A2ML1: variants seen among roughly 807,000 people sequenced by gnomAD.
A2ML1 encodes alpha-2-macroglobulin-like protein 1.
A neutral mutation model predicts 181.9 loss-of-function variants in A2ML1; 161 were observed. The observed-to-expected ratio is 0.89, with a 90% CI of 0.78 to 1.01. The LOEUF (loss-of-function observed/expected upper bound fraction) is 1.01, where lower values mean the gene tolerates loss of function less well. Ranked by LOEUF, A2ML1 falls within the 50% of genes least tolerant of loss-of-function variation. The pLI, the probability that A2ML1 is intolerant of heterozygous loss-of-function variation, is 0.00. For synonymous variants in A2ML1, 663 were observed against 666.8 expected (o/e 0.99, Z 0.09); for missense variants, 1,670 against 1,768.1 (o/e 0.94, Z 1.00).
At chr12:8,878,252 G>A (rs1048921455), downstream of A2ML1, among the ~76,000 whole-genome samples, 22 of 152,130 alleles carry the variant, frequency 1.4e-4, no homozygotes, top group African/African-American at 4.6e-4. The surrounding 1 kb of genome is among the most constrained non-coding windows in gnomAD (Gnocchi z 4.4). Flanking sequence ...GCAATGAGCC[G>A]AGATCATGCC....
intron 3 of A2ML1, among the ~76,000 whole-genome samples, chr12:8,825,085 T>A (rs1210615290): frequency 1.3e-5 from 2 of 152,236 alleles, no homozygotes; most frequent in African/African-American, 4.8e-5. Flanking sequence ...GATATACTGA[T>A]TTCCTTTCTT....
At chr12:8,864,227 T>C (rs1410389126) in intron 29 of A2ML1, among the ~76,000 whole-genome samples, 33 of 150,030 alleles carry the variant, frequency 2.2e-4, no homozygotes, top group South Asian at 4.3e-4. Context: ...ATGTGAAACA[T>C]TGGGGCCGGG....
intron 20 of A2ML1, among the ~76,000 whole-genome samples, chr12:8,853,413 A>C (rs753585618): frequency 6.6e-6 from 1 of 152,316 alleles, no homozygotes; most frequent in East Asian, 1.9e-4. Flanking sequence ...AATTATTGTA[A>C]AACTTAAGTG....
chr12:8,832,759 G>A (rs1269890603), intron 4 of A2ML1, among the ~76,000 whole-genome samples: 1 of 152,042 alleles, frequency 6.6e-6, no homozygotes. Context: ...GAGAGGAGTG[G>A]AACTGCTTAG....
chr12:8,838,283 A>C, intron 8 of A2ML1, 53 bp from the exon 9 acceptor site: 84 of 1,227,254 alleles, frequency 6.8e-5, no homozygotes, highest in Non-Finnish European at 9.0e-5. Flanking sequence ...AAATGGATGT[A>C]GAGATTAGAT....
rs369031167 is a variant in A2ML1 at position 8,846,114 on chromosome 12, T to C, written c.1575T>C (p.Thr525=). ...KASFSLSLTF[T]SRLAPDPSLV... The stretch of plus-strand genomic sequence containing the variant: ...CCTTCTCTCTCTCACTGACCTTCAC[T>C]TCGAGACTGGCCCCTGATCCTTCCC... Residue 525 remains threonine (T), a synonymous_variant, in exon 14 of 36, where the codon ACT becomes ACC. Coordinates refer to ENST00000299698, the MANE Select transcript of A2ML1 (RefSeq NM_144670.6). 4 of 1,614,056 alleles carry C rather than the reference T, an allele frequency of 2.5e-6. No homozygotes were observed. The highest frequency in any genetic ancestry group is 1.3e-5 in the African/African-American group (1 of 74,930).
intron 17 of A2ML1, 114 bp from the exon 18 acceptor site, chr12:8,850,046 C>T: frequency 1.2e-6 from 1 of 826,776 alleles, no homozygotes; most frequent in South Asian, 1.7e-5. Context: ...TTGCCTCTGA[C>T]TGGATGTTCT....
intron 28 of A2ML1, among the ~76,000 whole-genome samples, chr12:8,863,260 C>A (rs897121467): frequency 6.6e-6 from 1 of 152,078 alleles, no homozygotes; most frequent in African/African-American, 2.4e-5. Flanking sequence ...GCACGCGCCA[C>A]CACGCCTGGC....
In A2ML1 at chr12:8,845,528, G is replaced by A. The variant is rs776859975; in HGVS notation, c.1537+26G>A. On this transcript the variant is annotated intron_variant, in intron 13 of 35. Transcript: ENST00000299698. Reference sequence around the variant, plus strand: ...GTGAGTGTACATGCTTTTCCCGGAAGCAAACAGGATATTTTTAAATTCCAG... The same window carrying A: ...GTGAGTGTACATGCTTTTCCCGGAAACAAACAGGATATTTTTAAATTCCAG... 8.7e-6 allele frequency: 14 copies of A among 1,613,180 alleles called. No individual in the cohort carries two copies. The South Asian group carries it at 1.5e-4, about 18-fold the overall frequency.
intron 33 of A2ML1, 124 bp downstream of exon 33, chr12:8,869,327 A>G: frequency 1.1e-6 from 1 of 926,462 alleles, no homozygotes; most frequent in Non-Finnish European, 1.7e-6. Context: ...AGTCCACACC[A>G]TGCCATGAGT....
At chr12:8,841,327 C>A (rs777724322) in intron 10 of A2ML1, 42 bp from the exon 11 acceptor site, 2 of 1,591,004 alleles carry the variant, frequency 1.3e-6, no homozygotes, top group Non-Finnish European at 1.7e-6. Context: ...CTCAAGCTTA[C>A]TCCAAACCTA....
chr12:8,841,021 A>AGGACGGACGGAC (rs754296235), intron 10 of A2ML1, among the ~76,000 whole-genome samples: 35 of 122,960 alleles, frequency 2.8e-4, no homozygotes, highest in Middle Eastern at 3.8e-3. Context: ...GACGGAAGGA[A>AGGACGGACGGAC]GGAAGGAAGG....
At chr12:8,880,453 G>C (rs1213157391), downstream of A2ML1, 1 of 152,164 alleles carries the variant, frequency 6.6e-6, no homozygotes, top group Non-Finnish European at 1.5e-5. Flanking sequence ...GTGGGGCGGG[G>C]TGGGGGCGTG....
At chr12:8,845,640 G>A (rs989220160) in intron 13 of A2ML1, 138 bp downstream of exon 13, 7 of 755,714 alleles carry the variant, frequency 9.3e-6, no homozygotes, top group Non-Finnish European at 1.5e-5. Context: ...GATGTCGGGA[G>A]ATCGAGACCA....
intron 5 of A2ML1, chr12:8,835,049 G>A (rs1943228276): frequency 6.6e-6 from 2 of 302,088 alleles, no homozygotes; most frequent in Non-Finnish European, 1.2e-5. Context: ...ATAAACACCT[G>A]TGAGAAGTAT....
At chr12:8,849,058 C>A in intron 16 of A2ML1, 144 bp downstream of exon 16, 2 of 877,296 alleles carry the variant, frequency 2.3e-6, no homozygotes, top group Non-Finnish European at 3.4e-6. Flanking sequence ...CGTGTAAGGT[C>A]GCCTCTGTTG....
Position 8,845,475 on chromosome 12 carries a change from C to A in A2ML1, c.1510C>A (p.Gln504Lys). ...GAAAGGAAGTTTGGTGATGGAGGGG[C>A]AGAAACACCTGAACTCTAAGAAGAA... is the stretch of plus-strand genomic sequence containing the variant. ...IGKGSLVMEG[Q>K]KHLNSKKKGL... Residue 504 changes from glutamine to lysine, a missense_variant, in exon 13 of 36, where the codon CAG becomes AAG. Transcript: ENST00000299698. 2 of 1,614,120 alleles carry A rather than the reference C, an allele frequency of 1.2e-6. No individual in the cohort carries two copies. Among genetic ancestry groups the A allele is most frequent in the Non-Finnish European group, 1.7e-6 (2 of 1,179,996 alleles).
At position 8,847,693 on chromosome 12, in the gene A2ML1, C is replaced by T. The variant is rs375392265; in HGVS notation, c.1828C>T (p.Arg610Cys). 1.8e-5 allele frequency: 29 copies of T among 1,610,288 alleles called. No homozygotes were observed. Among genetic ancestry groups the T allele is most frequent in the Middle Eastern group, 1.6e-4 (1 of 6,072 alleles). ...TAGGCCAGACAGAGAGCTGAGCAACCGCTCTGTGAGTAACTGTCTGCTGAC... is the reference window on the plus strand; with the variant it reads ...TAGGCCAGACAGAGAGCTGAGCAACTGCTCTGTGAGTAACTGTCTGCTGAC... ...LLRPDRELSNRSVYGMFPFWY... is the reference protein window; with the variant it reads ...LLRPDRELSNCSVYGMFPFWY... The change falls in exon 15 of 36, where the codon CGC becomes TGC. Residue 610 changes from arginine to cysteine, a missense_variant. Coordinates refer to ENST00000299698, the MANE Select transcript of A2ML1 (RefSeq NM_144670.6).
chr12:8,875,800 AC>A (rs1565498349), intron 35 of A2ML1: 1 of 152,086 alleles, frequency 6.6e-6, no homozygotes, highest in African/African-American at 2.4e-5. Flanking sequence ...TTAAAACAAT[AC>A]TTTTTTCTAT....
Sources: allele counts gnomAD v4.1 joint callset (sites outside exome capture counted in the v4.1 genomes callset), GRCh38; gene constraint gnomAD v4.1.1; non-coding constraint Gnocchi (gnomAD v3.1); transcripts MANE v1.5; gene names NCBI Gene and HGNC (gene_info 2026-07-23, HGNC 2026-07-21).